Variants in ZNF385B observed in about 807,000 individuals in gnomAD.
The protein encoded by ZNF385B is zinc finger protein 385B.
ZNF385B carries 23 observed loss-of-function variants against 39.2 expected under a neutral mutation model. The ratio of observed to expected loss-of-function variants is 0.59; its 90% confidence interval spans 0.42 to 0.83. ZNF385B has a LOEUF of 0.83. Among genes scored for constraint, ZNF385B ranks in the 40% least tolerant of loss-of-function variants. The pLI is 0.00. For synonymous variants in ZNF385B, 205 were observed against 222.6 expected (o/e 0.92, Z 0.70); for missense variants, 552 against 598.9 (o/e 0.92, Z 0.82).
intron 3 of ZNF385B, among the ~76,000 whole-genome samples, chr2:179,640,628 T>C (rs1409167068): frequency 6.6e-6 from 1 of 152,094 alleles, no homozygotes; most frequent in African/African-American, 2.4e-5. Context: ...ATGGAAGCCA[T>C]TTAAATTCAA....
chr2:179,669,690 A>G (rs1240927832), intron 3 of ZNF385B, among the ~76,000 whole-genome samples: 1 of 152,232 alleles, frequency 6.6e-6, no homozygotes, highest in Non-Finnish European at 1.5e-5. Flanking sequence ...ACTGGTGATC[A>G]TGAAACACAA....
At position 179,612,658 on chromosome 2, in the gene ZNF385B, C is replaced by T. The variant is rs149457754; in HGVS notation, c.299-67689G>A. On this transcript the variant is annotated intron_variant, in intron 3 of 9. Transcript: ENST00000410066. ...GACACAAGCACCACCACTGGGACTG[C>T]GCTGTGTCAGACCTGAAGCCAGCAT... Among the ~76,000 whole-genome samples, 9 of 152,158 alleles carry T rather than the reference C, an allele frequency of 5.9e-5. No homozygotes were observed. The East Asian group carries it at 7.7e-4, about 13-fold the overall frequency.
At chr2:179,830,036 A>C (rs1481365297) in intron 1 of ZNF385B, among the ~76,000 whole-genome samples, 1 of 152,260 alleles carries the variant, frequency 6.6e-6, no homozygotes, top group Non-Finnish European at 1.5e-5. Flanking sequence ...AAAAGAGCCC[A>C]ACTGAAAAAG....
At chr2:179,483,110 G>A (rs974541537) in intron 6 of ZNF385B, among the ~76,000 whole-genome samples, 162 bp downstream of exon 6, 2 of 151,894 alleles carry the variant, frequency 1.3e-5, no homozygotes, top group Admixed American at 1.3e-4. Flanking sequence ...CAAATGCTTA[G>A]ATTCTGTGCA....
chr2:179,645,249 A>G (rs1238295456), intron 3 of ZNF385B, among the ~76,000 whole-genome samples: 1 of 152,238 alleles, frequency 6.6e-6, no homozygotes, highest in South Asian at 2.1e-4. Flanking sequence ...GTGACACCCA[A>G]TCTTACAAAG....
At chr2:179,779,289 C>T (rs1033530804) in intron 1 of ZNF385B, among the ~76,000 whole-genome samples, 22 of 152,072 alleles carry the variant, frequency 1.4e-4, no homozygotes, top group African/African-American at 2.4e-4. Flanking sequence ...TGCACAGGTC[C>T]GGAAGCAAGA....
chr2:179,557,434 T>C (rs941945264), intron 3 of ZNF385B, among the ~76,000 whole-genome samples: 7 of 132,982 alleles, frequency 5.3e-5, no homozygotes, highest in Non-Finnish European at 8.0e-5. Flanking sequence ...TTCCAATTTA[T>C]AAAATAGCAC....
At chr2:179,736,513 G>C (rs761395230) in intron 3 of ZNF385B, among the ~76,000 whole-genome samples, 1 of 152,078 alleles carries the variant, frequency 6.6e-6, no homozygotes. Flanking sequence ...GGTGTGTCAA[G>C]GACAGTTAAT....
chr2:179,655,429 C>G (rs1693642165), intron 3 of ZNF385B, among the ~76,000 whole-genome samples: 2 of 152,048 alleles, frequency 1.3e-5, no homozygotes, highest in South Asian at 4.2e-4. Context: ...TGAAGCACTT[C>G]CCTTCTCCAT....
At chr2:179,796,555 T>C (rs1575507057) in intron 1 of ZNF385B, among the ~76,000 whole-genome samples, 2 of 151,990 alleles carry the variant, frequency 1.3e-5, no homozygotes, top group East Asian at 3.9e-4. Context: ...TTGTGCTTTC[T>C]TTTCCCCCCA....
intron 1 of ZNF385B, among the ~76,000 whole-genome samples, chr2:179,795,641 A>G (rs1398662627): frequency 6.6e-6 from 1 of 151,598 alleles, no homozygotes; most frequent in Admixed American, 6.6e-5. Flanking sequence ...TTTTTTTTCT[A>G]TGTGAACCAA....
intron 3 of ZNF385B, among the ~76,000 whole-genome samples, chr2:179,673,270 T>A (rs1481035384): frequency 6.6e-6 from 1 of 152,176 alleles, no homozygotes. Flanking sequence ...CCTCAACCCA[T>A]GGCTTGAAGT....
At chr2:179,575,490 A>G (rs2106011854) in intron 3 of ZNF385B, among the ~76,000 whole-genome samples, 1 of 152,302 alleles carries the variant, frequency 6.6e-6, no homozygotes, top group African/African-American at 2.4e-5. Flanking sequence ...ATTGAGAAGC[A>G]GAAGTCGAAA....
intron 6 of ZNF385B, 30 bp from the exon 7 acceptor site, chr2:179,446,800 A>G: frequency 6.3e-7 from 1 of 1,581,234 alleles, no homozygotes; most frequent in Non-Finnish European, 8.6e-7. Flanking sequence ...ATCTTATTGA[A>G]GCCTCATATA....
intron 6 of ZNF385B, among the ~76,000 whole-genome samples, chr2:179,475,483 C>T (rs2053310156): frequency 6.6e-6 from 1 of 151,770 alleles, no homozygotes; most frequent in African/African-American, 2.4e-5. Context: ...AACTCCTGAC[C>T]TTGTGATCCA....
chr2:179,696,893 C>T lies in ZNF385B; in HGVS notation c.298+72610G>A, dbSNP rs190304210. 2.0e-3 allele frequency among the ~76,000 whole-genome samples: 300 copies of T among 152,104 alleles called. 1 individual carries two copies. The highest frequency in any genetic ancestry group is 6.8e-3 in the Middle Eastern group (2 of 294). On this transcript the variant is annotated intron_variant, in intron 3 of 9. Transcript: ENST00000410066. ...CCATCTACCATTCTTAATTCAGCCC[C>T]GTAAAGAAGGAAAGGGACAACAATA...
intron 3 of ZNF385B, among the ~76,000 whole-genome samples, chr2:179,582,745 A>G (rs72957994): frequency 0.077 from 11,736 of 152,328 alleles, 530 homozygotes; most frequent in Non-Finnish European, 0.1. Context: ...GAAAAATTAC[A>G]AAGATAGTAA....
intron 6 of ZNF385B, among the ~76,000 whole-genome samples, chr2:179,464,724 A>G (rs1409983979): frequency 6.6e-6 from 1 of 152,180 alleles, no homozygotes; most frequent in African/African-American, 2.4e-5. Flanking sequence ...TTTTGGTACC[A>G]GTACCATGCC....
At chr2:179,465,411 C>T (rs932608456) in intron 6 of ZNF385B, among the ~76,000 whole-genome samples, 1 of 152,170 alleles carries the variant, frequency 6.6e-6, no homozygotes, top group Non-Finnish European at 1.5e-5. Flanking sequence ...TCCACCAATA[C>T]TCTATAGGAT....
Sources: allele counts gnomAD v4.1 joint callset (sites outside exome capture counted in the v4.1 genomes callset), GRCh38; gene constraint gnomAD v4.1.1; transcripts MANE v1.5; gene names NCBI Gene and HGNC (gene_info 2026-07-23, HGNC 2026-07-21).